The following MED16 variants were observed in gnomAD, a reference collection of about 807,000 sequenced individuals.
MED16 encodes mediator complex subunit 16.
A neutral mutation model predicts 84.4 loss-of-function variants in MED16; 81 were observed. The observed-to-expected ratio is 0.96, with a 90% CI of 0.80 to 1.15. The LOEUF (loss-of-function observed/expected upper bound fraction) is 1.15, where lower values mean the gene tolerates loss of function less well. MED16 is among the 50% of genes most tolerant of loss of function. The probability of loss-of-function intolerance (pLI) is 0.00; values close to 1 mark genes in which losing one functional copy is unlikely to be tolerated. For synonymous variants in MED16, 897 were observed against 552.2 expected (o/e 1.62, Z -8.76); for missense variants, 1,585 against 1,245.9 (o/e 1.27, Z -4.10).
intron 6 of MED16, 46 bp downstream of exon 6, chr19:884,856 GC>G (rs763517096): frequency 1.2e-5 from 17 of 1,474,004 alleles, no homozygotes; most frequent in Non-Finnish European, 1.5e-5. Context: ...AAAACCAACC[GC>G]CCCCGAGGGC....
intron 8 of MED16, among the ~76,000 whole-genome samples, chr19:878,673 G>C (rs867240160): frequency 8.4e-6 from 1 of 118,562 alleles, no homozygotes; most frequent in Admixed American, 9.4e-5. Context: ...GGTTGTCAAT[G>C]CCCAACAGCC....
intron 13 of MED16, among the ~76,000 whole-genome samples, chr19:870,559 G>A (rs557948773): frequency 3.9e-5 from 5 of 128,788 alleles, no homozygotes; most frequent in African/African-American, 6.2e-5. Flanking sequence ...AGACCCTGTC[G>A]GGGAGACAAA....
At position 892,420 on chromosome 19, in the gene MED16, A is replaced by G. The variant is rs544662494; in HGVS notation, c.-19+666T>C. 18 of 155,246 alleles carry G rather than the reference A, an allele frequency of 1.2e-4. No homozygotes were observed. In the East Asian group the frequency reaches 3.5e-3, roughly 30 times the overall value. The allele number at this position is 155,246 out of a possible 1,614,324, so 9.6% of individuals were successfully genotyped here. A position where few individuals can be genotyped will look rare whatever the true frequency, so the allele number is the denominator to read the frequency against. On this transcript the variant is annotated intron_variant, in intron 1 of 15. Coordinates refer to ENST00000325464, the MANE Select transcript of MED16 (RefSeq NM_005481.3). ...CAGCCTCCAACGCCCTTAGCTCTCC[A>G]GGCCCAACCCCTAAAACTCCCCAGT...
In MED16 at chr19:878,113, C is replaced by A. The variant is rs1437140522; in HGVS notation, c.1354-933G>T. On this transcript the variant is annotated intron_variant, in intron 8 of 15. Transcript: ENST00000325464. ...CCAGCCCCAGCGCCACGTGCCCCAG[C>A]AACTCACCTTCCCCTGGTTGTCAAT... is the stretch of plus-strand genomic sequence containing the variant. 6.1e-5 allele frequency among the ~76,000 whole-genome samples: 7 copies of A among 113,844 alleles called. 1 individual carries two copies. In the Admixed American group the frequency reaches 7.5e-4, roughly 12 times the overall value. The allele number at this position is 113,844 out of a possible 152,430, so 74.7% of individuals were successfully genotyped here.
Position 868,823 on chromosome 19 carries a change from G to A in MED16, c.2399+40C>T, listed in dbSNP as rs201103755. On this transcript the variant is annotated intron_variant, in intron 14 of 15. Transcript: ENST00000325464. Reference sequence around the variant, plus strand: ...TAGAATCAGCTGAGCCATCCCCAGCGGCACATCTCTGGGAGTCAGCGGTTC... The same window carrying A: ...TAGAATCAGCTGAGCCATCCCCAGCAGCACATCTCTGGGAGTCAGCGGTTC... The A allele has an allele frequency of 4.4e-4, 671 of 1,533,872 alleles. 1 individual carries two copies. In the African/African-American group the frequency reaches 7.0e-3, roughly 16 times the overall value.
intron 5 of MED16, among the ~76,000 whole-genome samples, chr19:885,281 C>T (rs908450539): frequency 2.6e-5 from 4 of 152,148 alleles, no homozygotes; most frequent in Admixed American, 1.3e-4. Flanking sequence ...GAGTTTGGGG[C>T]GTTACTGATT....
At chr19:877,961 G>A (rs2036297702) in intron 8 of MED16, among the ~76,000 whole-genome samples, 1 of 35,086 alleles carries the variant, frequency 2.9e-5, no homozygotes, top group African/African-American at 1.4e-4. Flanking sequence ...ACCAGCCCCA[G>A]CCCCAGCCCC....
At chr19:889,848 G>A in intron 3 of MED16, 41 bp from the exon 4 acceptor site, 4 of 1,576,766 alleles carry the variant, frequency 2.5e-6, no homozygotes, top group Non-Finnish European at 3.4e-6. Context: ...TCCAGGGATG[G>A]GCAGAGCACT....
At chr19:880,214 T>A (rs973396045) in intron 7 of MED16, 66 bp from the exon 8 acceptor site, 2 of 1,455,208 alleles carry the variant, frequency 1.4e-6, no homozygotes, top group Non-Finnish European at 1.8e-6. Flanking sequence ...GGGAGGGGCC[T>A]CCTGCTCTGC....
chr19:884,953 C>T lies in MED16; in HGVS notation c.935G>A (p.Arg312His), dbSNP rs375040530. Reference protein sequence around the residue: ...TSSIVECWSLRKEGLPVNNIF... With the variant: ...TSSIVECWSLHKEGLPVNNIF... Reference sequence around the variant, plus strand: ...GTTGTTCACGGGGAGTCCCTCCTTGCGCAGGGACCAGCACTCCACGATGCT... The same window carrying T: ...GTTGTTCACGGGGAGTCCCTCCTTGTGCAGGGACCAGCACTCCACGATGCT... Residue 312 changes from arginine to histidine, a missense_variant, in exon 6 of 16, where the codon CGC becomes CAC. By Grantham distance (29) the Arg-to-His change is conservative (BLOSUM62 0). Transcript: ENST00000325464. 3 of 1,609,412 alleles carry T rather than the reference C, an allele frequency of 1.9e-6. No individual in the cohort carries two copies. The highest frequency in any genetic ancestry group is 3.3e-5 in the Admixed American group (2 of 59,790).
chr19:881,147 G>A (rs372588007), intron 7 of MED16, among the ~76,000 whole-genome samples: 2 of 152,140 alleles, frequency 1.3e-5, no homozygotes, highest in Non-Finnish European at 2.9e-5. Context: ...TTTTACAGCT[G>A]AGCAAATAGG....
At chr19:870,995 A>G (rs2036036609) in intron 13 of MED16, 42 bp downstream of exon 13, 9 of 1,502,750 alleles carry the variant, frequency 6.0e-6, no homozygotes, top group African/African-American at 1.4e-5. Context: ...GACACGGAGG[A>G]AGGAGTCCTG....
Position 874,596 on chromosome 19 carries a change from G to A in MED16, c.1771+648C>T, listed in dbSNP as rs565460469. On this transcript the variant is annotated intron_variant, in intron 10 of 15. Transcript: ENST00000325464. ...GAGCAGACCTGCCTGCACAGGACCC[G>A]GGTGCCGGGTGTCGGCCTGGGAGCG... Among the ~76,000 whole-genome samples the A allele has an allele frequency of 1.1e-4, 16 of 152,322 alleles. 1 individual carries two copies. The highest frequency in any genetic ancestry group is 2.1e-4 in the South Asian group (1 of 4,832).
In MED16 at chr19:868,102, C is replaced by T. The variant is rs1302303151; in HGVS notation, c.2633G>A (p.Ter878=). 1 of 1,606,422 alleles carries T rather than the reference C, an allele frequency of 6.2e-7. No individual in the cohort carries two copies. The highest frequency in any genetic ancestry group is 8.5e-7 in the Non-Finnish European group (1 of 1,178,052). ...LDHLHPEDRP[*] ...AAGGTCCGCCTGGACCCCCGGCCGT[C>T]ACGGACGGTCCTCTGGATGCAGATG... is the stretch of plus-strand genomic sequence containing the variant. Residue 878 remains the stop codon, a stop_retained_variant, in exon 16 of 16, where the codon TGA becomes TAA. Transcript: ENST00000325464.
chr19:886,637 T>G (rs73492585), intron 4 of MED16, among the ~76,000 whole-genome samples: 2,773 of 152,358 alleles, frequency 0.018, 73 homozygotes, highest in African/African-American at 0.062. Context: ...TGGGCCGCAC[T>G]GTGCAGACCT....
Position 875,448 on chromosome 19 carries a change from A to AG in MED16, c.1566dup (p.Ser523LeufsTer51). The AG allele has an allele frequency of 6.2e-7, 1 of 1,600,160 alleles. No homozygotes were observed. The highest frequency in any genetic ancestry group is 8.5e-7 in the Non-Finnish European group (1 of 1,179,224). On this transcript the variant is annotated frameshift_variant, in exon 10 of 16. Transcript: ENST00000325464. LOFTEE classifies it high-confidence loss of function. Reference sequence around the variant, plus strand: ...GCCTTCATGGCCAGGATCCGGGTGGAGAGGACCTGAGGGCAGGAAGCCAGG... The same window carrying AG: ...GCCTTCATGGCCAGGATCCGGGTGGAGGAGGACCTGAGGGCAGGAAGCCAGG...
At position 875,551 on chromosome 19, in the gene MED16, C is replaced by T. The variant is rs1181955104; in HGVS notation, c.1561-97G>A. On this transcript the variant is annotated intron_variant, in intron 9 of 15. Coordinates refer to ENST00000325464, the MANE Select transcript of MED16 (RefSeq NM_005481.3). ...AGAGCAGTTCGACTCTGACACCAGGCGCTCGGTCAGCTGGGCAAGCTGCTT... is the reference window on the plus strand; with the variant it reads ...AGAGCAGTTCGACTCTGACACCAGGTGCTCGGTCAGCTGGGCAAGCTGCTT... 1.3e-4 allele frequency: 127 copies of T among 983,198 alleles called. 1 individual carries two copies. The East Asian group carries it at 3.0e-3, about 23-fold the overall frequency. 60.9% of individuals were successfully genotyped at this position (983,198 alleles called of 1,614,324 possible). A position where few individuals can be genotyped will look rare whatever the true frequency, so the allele number is the denominator to read the frequency against.
At chr19:869,685 C>G (rs1451232950) in intron 13 of MED16, among the ~76,000 whole-genome samples, 1 of 152,152 alleles carries the variant, frequency 6.6e-6, no homozygotes, top group Non-Finnish European at 1.5e-5. Flanking sequence ...CCTGGAGGTC[C>G]TGGAGCCGAG....
intron 14 of MED16, 56 bp downstream of exon 14, chr19:868,807 C>T: frequency 6.6e-7 from 1 of 1,515,834 alleles, no homozygotes; most frequent in Non-Finnish European, 8.9e-7. Flanking sequence ...CTAGAATCAG[C>T]TGAGCCATCC....
Sources: allele counts gnomAD v4.1 joint callset (sites outside exome capture counted in the v4.1 genomes callset), GRCh38; gene constraint gnomAD v4.1.1; transcripts MANE v1.5; gene names NCBI Gene and HGNC (gene_info 2026-07-23, HGNC 2026-07-21).